SERINC5: variants seen among roughly 807,000 people sequenced by gnomAD.
SERINC5 encodes the protein chromosome 5 open reading frame 12.
SERINC5 carries 41 observed loss-of-function variants against 63.1 expected under a neutral mutation model. The ratio of observed to expected loss-of-function variants is 0.65; its 90% CI spans 0.51 to 0.84. The LOEUF (loss-of-function observed/expected upper bound fraction) is 0.84, where lower values mean the gene tolerates loss of function less well. SERINC5 is among the 40% of genes least tolerant of loss of function. SERINC5 has a pLI of 0.00. For missense variants in SERINC5, 523 were observed against 573.0 expected (o/e 0.91, Z 0.89); for synonymous variants, 222 against 215.2 (o/e 1.03, Z -0.28).
chr5:80,203,257 C>CATGTGT (rs1554067830), intron 1 of SERINC5: 8 of 257,622 alleles, frequency 3.1e-5, no homozygotes, highest in Non-Finnish European at 6.0e-5. Flanking sequence ...TATATATACA[C>CATGTGT]ATATATATAT....
rs76606734 is a variant in SERINC5, at chr5:80,219,062, C to A, written c.28-16009G>T. 9.9e-3 allele frequency among the ~76,000 whole-genome samples: 1,515 copies of A among 152,286 alleles called. 30 individuals carry two copies. Among genetic ancestry groups the A allele is most frequent in the African/African-American group, 0.034 (1,424 of 41,550 alleles). On this transcript the variant is annotated intron_variant, in intron 1 of 11. Coordinates refer to ENST00000507668, the MANE Select transcript of SERINC5 (RefSeq NM_001174072.3). ...CTTTCTAATATTTTTCACATAAATA[C>A]ATAAATTAGAAAACAAAATGTCAGA...
chr5:80,244,715 G>A (rs569958121), intron 1 of SERINC5, among the ~76,000 whole-genome samples: 80 of 152,078 alleles, frequency 5.3e-4, no homozygotes, highest in African/African-American at 1.8e-3. Context: ...CCAGCTACTC[G>A]GGAGGCTGAG....
In SERINC5 at chr5:80,140,305, CAAAAAAAAAAAAA is replaced by C. The variant is rs55718546; in HGVS notation, c.*3345_*3357del. The C allele has an allele frequency of 1.0e-4, 50 of 478,184 alleles. No individual in the cohort carries two copies. In the Admixed American group the frequency reaches 1.1e-3, roughly 10 times the overall value. 29.6% of individuals were successfully genotyped at this position (478,184 alleles called of 1,614,324 possible). On this transcript the variant is annotated 3_prime_UTR_variant, in exon 12 of 12. Coordinates refer to ENST00000507668, the MANE Select transcript of SERINC5 (RefSeq NM_001174072.3). ...GTGGCTGACAGAGTGAGCCCGTCTC[CAAAAAAAAAAAAA>C]AAAAAAAAAAAAAAGGCTTAGGGTG... is the stretch of plus-strand genomic sequence containing the variant.
intron 11 of SERINC5, among the ~76,000 whole-genome samples, chr5:80,122,573 A>G (rs1056414145): frequency 3.2e-4 from 48 of 152,162 alleles, no homozygotes; most frequent in Non-Finnish European, 5.4e-4. Flanking sequence ...GAGAAACACA[A>G]ATCTAGGTAC....
chr5:80,214,737 A>C (rs973748690), intron 1 of SERINC5, among the ~76,000 whole-genome samples: 3 of 152,150 alleles, frequency 2.0e-5, no homozygotes, highest in Non-Finnish European at 2.9e-5. Context: ...TCTCTACTAA[A>C]AATACAAAAA....
chr5:80,226,989 G>A (rs1019848769), intron 1 of SERINC5, among the ~76,000 whole-genome samples: 2 of 152,048 alleles, frequency 1.3e-5, no homozygotes, highest in Non-Finnish European at 2.9e-5. Context: ...TCCACCTCCC[G>A]GGTTCAAACA....
intron 11 of SERINC5, among the ~76,000 whole-genome samples, chr5:80,144,181 G>A (rs914404367): frequency 1.3e-5 from 2 of 152,236 alleles, no homozygotes; most frequent in African/African-American, 4.8e-5. Context: ...GCATGTGTCA[G>A]TCCTTCATTC....
At chr5:80,177,840 A>G (rs1748135315) in intron 3 of SERINC5, 46 bp downstream of exon 3, 1 of 1,466,188 alleles carries the variant, frequency 6.8e-7, no homozygotes. Context: ...ACTGTCCTGA[A>G]CATAAGAAAG....
chr5:80,237,086 C>A (rs537864894), intron 1 of SERINC5, among the ~76,000 whole-genome samples: 1 of 151,810 alleles, frequency 6.6e-6, no homozygotes, highest in Non-Finnish European at 1.5e-5. Flanking sequence ...CTCGGCCTCC[C>A]AAAGTGCTGG....
At chr5:80,247,487 C>CA (rs1267596578) in intron 1 of SERINC5, among the ~76,000 whole-genome samples, 1 of 152,182 alleles carries the variant, frequency 6.6e-6, no homozygotes, top group African/African-American at 2.4e-5. Context: ...ACCGTGCCTA[C>CA]AAAGTCAGAC....
rs74507477 is a variant in SERINC5 at position 80,161,091 on chromosome 5, A to G, written c.860-2129T>C. Among the ~76,000 whole-genome samples, 1,054 of 151,658 alleles carry G rather than the reference A, an allele frequency of 6.9e-3. 8 individuals are homozygous for G. Among genetic ancestry groups the G allele is most frequent in the African/African-American group, 0.024 (991 of 41,396 alleles). On this transcript the variant is annotated intron_variant, in intron 7 of 11. Transcript: ENST00000507668. ...ATAAAAATCACATTTTCTTTATCCA[A>G]TCATCTGTTGATGGACACTTAAAGG...
intron 5 of SERINC5, among the ~76,000 whole-genome samples, chr5:80,173,286 T>G (rs1274058569): frequency 2.9e-5 from 4 of 137,884 alleles, no homozygotes; most frequent in East Asian, 2.2e-4. Context: ...AGGAAGAAAA[T>G]GAAATGAAAT....
chr5:80,183,094 G>C (rs942365863), intron 2 of SERINC5, among the ~76,000 whole-genome samples: 3 of 152,098 alleles, frequency 2.0e-5, no homozygotes, highest in African/African-American at 7.2e-5. Context: ...GTGGTGAAAG[G>C]GTACAGACTT....
intron 1 of SERINC5, among the ~76,000 whole-genome samples, chr5:80,203,517 T>G (rs1749988813): frequency 6.6e-6 from 1 of 151,586 alleles, no homozygotes; most frequent in Non-Finnish European, 1.5e-5. Context: ...TACAAAAAAT[T>G]TTTTCTTTAA....
intron 8 of SERINC5, among the ~76,000 whole-genome samples, chr5:80,151,945 T>C (rs1268205461): frequency 6.6e-6 from 1 of 152,202 alleles, no homozygotes; most frequent in Non-Finnish European, 1.5e-5. Flanking sequence ...AGTCTCATCC[T>C]CTTTCCCAAG....
chr5:80,203,048 G>T lies in SERINC5; in HGVS notation c.33C>A (p.Ala11=). ...AGCAGCCTGCAGACCCACAGCAGCA[G>T]GCCAGCTAGAAAAGGAACAGAAGGC... The part of the protein sequence containing the change: MSAQCCAGQL[A]CCCGSAGCSL... The change falls in exon 2 of 12, where the codon GCC becomes GCA. Residue 11 remains alanine (A), a synonymous_variant. Transcript: ENST00000507668. 6.2e-7 allele frequency: 1 copy of T among 1,605,450 alleles called. No homozygotes were observed. Among genetic ancestry groups the T allele is most frequent in the East Asian group, 2.2e-5 (1 of 44,580 alleles).
At chr5:80,161,297 C>G (rs574504424) in intron 7 of SERINC5, among the ~76,000 whole-genome samples, 1 of 152,230 alleles carries the variant, frequency 6.6e-6, no homozygotes, top group African/African-American at 2.4e-5. Context: ...AGAAGCTATG[C>G]TAATTTACAT....
intron 2 of SERINC5, among the ~76,000 whole-genome samples, chr5:80,178,877 CACATAT>C (rs1206664050): frequency 2.7e-5 from 4 of 149,458 alleles, no homozygotes; most frequent in East Asian, 3.9e-4. Context: ...ACAACACACT[CACATAT>C]ACATATACAT....
At chr5:80,229,555 C>A (rs1211045528) in intron 1 of SERINC5, among the ~76,000 whole-genome samples, 1 of 152,010 alleles carries the variant, frequency 6.6e-6, no homozygotes, top group African/African-American at 2.4e-5. Flanking sequence ...AAAAATTGCT[C>A]CTTAATGTAG....
Sources: allele counts gnomAD v4.1 joint callset (sites outside exome capture counted in the v4.1 genomes callset), GRCh38; gene constraint gnomAD v4.1.1; transcripts MANE v1.5; gene names NCBI Gene and HGNC (gene_info 2026-07-23, HGNC 2026-07-21).